SLC25A42: variants seen among roughly 807,000 people sequenced by gnomAD.
The protein encoded by SLC25A42 is mitochondrial coenzyme A transporter SLC25A42.
SLC25A42 carries 19 observed loss-of-function variants against 34.7 expected under a neutral mutation model. That is an observed-to-expected ratio of 0.55 (90% CI 0.38 to 0.80). SLC25A42 has a LOEUF of 0.80. Ranked by LOEUF, SLC25A42 falls within the 30% of genes least tolerant of loss-of-function variation. SLC25A42 has a pLI of 0.00. For synonymous variants in SLC25A42, 205 were observed against 191.2 expected, an observed-to-expected ratio of 1.07 and a Z score of -0.59; for missense variants, 364 against 441.3, an observed-to-expected ratio of 0.82 and a Z score of 1.57.
At chr19:19,092,251 C>T (rs766756476) in intron 1 of SLC25A42, among the ~76,000 whole-genome samples, 3 of 152,172 alleles carry the variant, frequency 2.0e-5, no homozygotes, top group African/African-American at 4.8e-5. Flanking sequence ...TTCCTAAAAG[C>T]GTCACATTCA....
chr19:19,090,561 C>CA (rs1680475287), intron 1 of SLC25A42, among the ~76,000 whole-genome samples: 3 of 152,248 alleles, frequency 2.0e-5, no homozygotes, highest in Admixed American at 2.0e-4. Flanking sequence ...GGCACCGTGG[C>CA]ACACACCTGT....
At chr19:19,108,619 C>T (rs926794267) in intron 7 of SLC25A42, among the ~76,000 whole-genome samples, 2 of 151,690 alleles carry the variant, frequency 1.3e-5, no homozygotes, top group African/African-American at 2.4e-5. Context: ...CACCTCTTCA[C>T]GAGCACACAC....
chr19:19,107,770 G>A (rs2059839819), intron 6 of SLC25A42, 124 bp from the exon 7 acceptor site: 1 of 899,954 alleles, frequency 1.1e-6, no homozygotes, highest in Admixed American at 2.3e-5. Context: ...GAAGAAGAAG[G>A]AAAACATCAA....
At position 19,111,656 on chromosome 19, in the gene SLC25A42, T is replaced by G. The variant is rs2059865864; in HGVS notation, c.*780T>G. 6.6e-6 allele frequency: 1 copy of G among 152,440 alleles called. No homozygotes were observed. The highest frequency in any genetic ancestry group is 6.5e-5 in the Admixed American group (1 of 15,292). 9.4% of individuals were successfully genotyped at this position (152,440 alleles called of 1,614,324 possible). A position where few individuals can be genotyped will look rare whatever the true frequency, so the allele number is the denominator to read the frequency against. On this transcript the variant is annotated 3_prime_UTR_variant, in exon 8 of 8. Coordinates refer to ENST00000318596, the MANE Select transcript of SLC25A42 (RefSeq NM_178526.5). ...GCCCAGGCCATGACACGGAACTGCC[T>G]CAGGTTTGGGTCAGACCTGCATCCT... is the stretch of plus-strand genomic sequence containing the variant.
chr19:19,087,395 C>T (rs574386741), intron 1 of SLC25A42, among the ~76,000 whole-genome samples: 1 of 152,224 alleles, frequency 6.6e-6, no homozygotes, highest in African/African-American at 2.4e-5. Context: ...TCAAGCGATT[C>T]TCCTGCCTCG....
intron 1 of SLC25A42, among the ~76,000 whole-genome samples, chr19:19,072,630 G>T (rs1250781850): frequency 3.9e-5 from 6 of 151,948 alleles, no homozygotes; most frequent in Non-Finnish European, 5.9e-5. Flanking sequence ...TGATCTGCCC[G>T]CCTCGGCCTC....
At chr19:19,067,886 A>T (rs994237884) in intron 1 of SLC25A42, among the ~76,000 whole-genome samples, 4 of 152,136 alleles carry the variant, frequency 2.6e-5, no homozygotes, top group Non-Finnish European at 5.9e-5. Context: ...TACTGAAGTC[A>T]GGCCTCTGCC....
At chr19:19,086,059 G>A (rs2059706846) in intron 1 of SLC25A42, among the ~76,000 whole-genome samples, 1 of 152,224 alleles carries the variant, frequency 6.6e-6, no homozygotes, top group Non-Finnish European at 1.5e-5. Flanking sequence ...CACCCGGCCA[G>A]TCCTTCTATA....
intron 1 of SLC25A42, among the ~76,000 whole-genome samples, chr19:19,075,481 C>T (rs1361376955): frequency 6.6e-6 from 1 of 152,198 alleles, no homozygotes; most frequent in Non-Finnish European, 1.5e-5. Context: ...TGTGGGGACA[C>T]CTGAATCCCA....
intron 2 of SLC25A42, among the ~76,000 whole-genome samples, chr19:19,100,930 A>G (rs1487396314): frequency 6.6e-6 from 1 of 152,124 alleles, no homozygotes; most frequent in Non-Finnish European, 1.5e-5. Context: ...CTGCTTCTCA[A>G]TGAGTCCCAT....
intron 2 of SLC25A42, among the ~76,000 whole-genome samples, chr19:19,096,978 G>A (rs930301996): frequency 2.6e-5 from 4 of 152,074 alleles, no homozygotes; most frequent in Non-Finnish European, 5.9e-5. Context: ...GCCAAAGGGG[G>A]TGGGCATGCT....
At chr19:19,107,135 T>C (rs762999338) in intron 6 of SLC25A42, among the ~76,000 whole-genome samples, 1 of 151,364 alleles carries the variant, frequency 6.6e-6, no homozygotes, top group East Asian at 1.9e-4. Flanking sequence ...CTGGGCAACA[T>C]AGCAAGACCC....
chr19:19,082,371 G>C (rs2059685795), intron 1 of SLC25A42, among the ~76,000 whole-genome samples: 1 of 152,076 alleles, frequency 6.6e-6, no homozygotes, highest in Non-Finnish European at 1.5e-5. Flanking sequence ...TGTTCGTTCT[G>C]GTCCTTTTCC....
At chr19:19,086,561 T>A (rs1266650443) in intron 1 of SLC25A42, among the ~76,000 whole-genome samples, 12 of 152,002 alleles carry the variant, frequency 7.9e-5, no homozygotes, top group Non-Finnish European at 4.4e-5. Flanking sequence ...GGCTAGTCCA[T>A]TTTTTTTGAA....
chr19:19,066,949 C>G lies in SLC25A42; in HGVS notation c.-35+2834C>G, dbSNP rs560213048. ...GGAGGATTGCTTGAACCAAGGAGTTCAAGGCTGCAGTGAGCTATAATCATG... is the reference window on the plus strand; with the variant it reads ...GGAGGATTGCTTGAACCAAGGAGTTGAAGGCTGCAGTGAGCTATAATCATG... On this transcript the variant is annotated intron_variant, in intron 1 of 7. Coordinates refer to ENST00000318596, the MANE Select transcript of SLC25A42 (RefSeq NM_178526.5). Among the ~76,000 whole-genome samples, 116 of 144,824 alleles carry G rather than the reference C, an allele frequency of 8.0e-4. 2 individuals carry two copies. In the South Asian group the frequency reaches 0.025, roughly 32 times the overall value.
At chr19:19,071,207 A>C (rs1307463540) in intron 1 of SLC25A42, among the ~76,000 whole-genome samples, 1 of 151,878 alleles carries the variant, frequency 6.6e-6, no homozygotes, top group Non-Finnish European at 1.5e-5. Context: ...GGGTTTCTCC[A>C]TCCTTCCCAG....
chr19:19,111,021 G>A lies in SLC25A42; in HGVS notation c.*145G>A, dbSNP rs567117868. On this transcript the variant is annotated 3_prime_UTR_variant, in exon 8 of 8. Transcript: ENST00000318596. ...CGAGCAGGTGGGCCTGAGGGGCCTG[G>A]GCTCAGAGTCCACGTCCAAACGCAA... The A allele has an allele frequency of 6.1e-5, 55 of 905,094 alleles. No individual in the cohort carries two copies. In the African/African-American group the frequency reaches 8.0e-4, roughly 13 times the overall value. The allele number at this position is 905,094 out of a possible 1,614,324, so 56.1% of individuals were successfully genotyped here.
chr19:19,074,111 C>T (rs1047528286), intron 1 of SLC25A42, among the ~76,000 whole-genome samples: 4 of 152,208 alleles, frequency 2.6e-5, no homozygotes, highest in African/African-American at 7.2e-5. Context: ...TAACATCTAA[C>T]GGCCTTTGGT....
intron 2 of SLC25A42, among the ~76,000 whole-genome samples, chr19:19,100,374 G>A (rs1318212789): frequency 1.3e-5 from 2 of 152,042 alleles, no homozygotes; most frequent in African/African-American, 4.8e-5. Flanking sequence ...ATTTATTTGG[G>A]CAAAGATCAG....
Sources: allele counts gnomAD v4.1 joint callset (sites outside exome capture counted in the v4.1 genomes callset), GRCh38; gene constraint gnomAD v4.1.1; transcripts MANE v1.5; gene names NCBI Gene and HGNC (gene_info 2026-07-23, HGNC 2026-07-21).